MARCHF1: variants seen among roughly 807,000 people sequenced by gnomAD.
The protein encoded by MARCHF1 is membrane associated ring-CH-type finger 1.
Under a neutral mutation model 54.2 loss-of-function variants are expected in MARCHF1, and 40 were observed. The observed-to-expected ratio is 0.74, with a 90% CI of 0.57 to 0.96. MARCHF1 has a LOEUF of 0.96. Among genes scored for constraint, MARCHF1 ranks in the 40% least tolerant of loss-of-function variants. The pLI is 0.00. For missense variants in MARCHF1, 586 were observed against 656.5 expected, an observed-to-expected ratio of 0.89 and a Z score of 1.17; for synonymous variants, 236 against 236.3, an observed-to-expected ratio of 1.00 and a Z score of 0.01.
chr4:164,291,362 T>G (rs930228223), intron 1 of MARCHF1, among the ~76,000 whole-genome samples: 3 of 152,022 alleles, frequency 2.0e-5, no homozygotes, highest in African/African-American at 4.8e-5. Context: ...GCAATAAACT[T>G]TCTTTAAACT....
intron 1 of MARCHF1, among the ~76,000 whole-genome samples, chr4:164,301,654 T>A (rs1408039253): frequency 6.6e-6 from 1 of 152,072 alleles, no homozygotes; most frequent in East Asian, 1.9e-4. Context: ...GGTCAGAAAT[T>A]TATTGAATTC....
chr4:164,345,957 T>C (rs1730080529), intron 1 of MARCHF1, among the ~76,000 whole-genome samples: 1 of 152,202 alleles, frequency 6.6e-6, no homozygotes, highest in Admixed American at 6.5e-5. Context: ...TCATGATGCC[T>C]TTATTAGTAA....
At chr4:163,676,377 G>C (rs1743921847) in intron 5 of MARCHF1, among the ~76,000 whole-genome samples, 1 of 150,256 alleles carries the variant, frequency 6.7e-6, no homozygotes, top group South Asian at 2.1e-4. Context: ...AAAAAAATCA[G>C]AAGATTAAGA....
intron 1 of MARCHF1, among the ~76,000 whole-genome samples, chr4:164,156,192 T>C (rs949710287): frequency 6.6e-6 from 1 of 152,148 alleles, no homozygotes; most frequent in Admixed American, 6.6e-5. Flanking sequence ...CAGTTCTACA[T>C]TTTTAACAAG....
intron 3 of MARCHF1, among the ~76,000 whole-genome samples, chr4:163,898,767 A>G (rs556762362): frequency 1.8e-4 from 27 of 152,336 alleles, no homozygotes; most frequent in Non-Finnish European, 3.8e-4. Context: ...TGACAATACC[A>G]AAGTCATGGA....
intron 4 of MARCHF1, among the ~76,000 whole-genome samples, chr4:163,791,346 T>A (rs1283792481): frequency 6.6e-6 from 1 of 152,158 alleles, no homozygotes; most frequent in East Asian, 1.9e-4. Context: ...ATTACTAAAA[T>A]CTAAAAGAAC....
intron 5 of MARCHF1, among the ~76,000 whole-genome samples, chr4:163,653,142 A>G (rs1397755608): frequency 6.6e-6 from 1 of 151,830 alleles, no homozygotes; most frequent in Non-Finnish European, 1.5e-5. Flanking sequence ...AGGCAACTGA[A>G]GTCAGGGAGT....
chr4:163,773,801 T>A (rs1262808672), intron 4 of MARCHF1, among the ~76,000 whole-genome samples: 2 of 152,188 alleles, frequency 1.3e-5, no homozygotes, highest in Admixed American at 6.5e-5. Flanking sequence ...GCCTATAATC[T>A]GATAATTAAT....
intron 1 of MARCHF1, among the ~76,000 whole-genome samples, chr4:164,299,276 A>C (rs1560992694): frequency 6.6e-6 from 1 of 152,222 alleles, no homozygotes; most frequent in South Asian, 2.1e-4. Flanking sequence ...GTCCACAATA[A>C]TTTGTACTTC....
chr4:163,653,239 C>A (rs1249412601), intron 5 of MARCHF1, among the ~76,000 whole-genome samples: 2 of 151,742 alleles, frequency 1.3e-5, no homozygotes, highest in African/African-American at 2.4e-5. Flanking sequence ...AAGACATGAA[C>A]ATGCTCTGAT....
At chr4:163,869,897 T>C (rs1363758426) in intron 3 of MARCHF1, among the ~76,000 whole-genome samples, 1 of 152,098 alleles carries the variant, frequency 6.6e-6, no homozygotes, top group Non-Finnish European at 1.5e-5. Context: ...ATCTCAAGCT[T>C]ATATCTGAGT....
At chr4:164,087,226 A>T (rs941968160) in intron 2 of MARCHF1, among the ~76,000 whole-genome samples, 1 of 152,098 alleles carries the variant, frequency 6.6e-6, no homozygotes, top group Non-Finnish European at 1.5e-5. Flanking sequence ...TTCAAGCAAC[A>T]TATTTTATGA....
intron 5 of MARCHF1, among the ~76,000 whole-genome samples, chr4:163,696,890 A>G (rs1039960): frequency 0.48 from 72,139 of 151,836 alleles, 17,643 homozygotes; most frequent in Non-Finnish European, 0.51. Context: ...TTTAGGTAGC[A>G]TATTAGGGGT....
At chr4:163,568,208 A>C (rs1301372458) in intron 8 of MARCHF1, among the ~76,000 whole-genome samples, 1 of 152,162 alleles carries the variant, frequency 6.6e-6, no homozygotes. Context: ...GCATTCATTA[A>C]ATAAATTAAC....
At chr4:164,159,350 TCATA>T (rs1311232832) in intron 1 of MARCHF1, among the ~76,000 whole-genome samples, 2 of 152,126 alleles carry the variant, frequency 1.3e-5, no homozygotes, top group African/African-American at 4.8e-5. Flanking sequence ...ACTATTAATA[TCATA>T]TATAATTTTC....
chr4:164,197,221 T>G (rs758624016), intron 1 of MARCHF1: 1 of 1,610,418 alleles, frequency 6.2e-7, no homozygotes, highest in East Asian at 2.2e-5. Flanking sequence ...CTCCTCGTCA[T>G]CCAGGCCCTC....
chr4:164,203,612 T>A (rs1168568727), intron 1 of MARCHF1, among the ~76,000 whole-genome samples: 2 of 152,108 alleles, frequency 1.3e-5, no homozygotes, highest in African/African-American at 2.4e-5. Flanking sequence ...CCTCACCCTG[T>A]GCCAAAAAAA....
intron 4 of MARCHF1, among the ~76,000 whole-genome samples, chr4:163,808,464 T>C (rs1748289009): frequency 6.6e-6 from 1 of 152,176 alleles, no homozygotes; most frequent in Non-Finnish European, 1.5e-5. Flanking sequence ...TTAACACGAG[T>C]GTTTTTAGAG....
chr4:163,575,459 T>G (rs1031061858), intron 8 of MARCHF1, among the ~76,000 whole-genome samples: 7 of 152,118 alleles, frequency 4.6e-5, no homozygotes, highest in African/African-American at 1.7e-4. Context: ...AGTTTGCTAA[T>G]TTTTTTGAGG....
Sources: gnomAD v4.1 joint callset for allele counts (sites outside exome capture counted in the v4.1 genomes callset) on GRCh38, gnomAD v4.1.1 for gene constraint, MANE v1.5 for transcripts, NCBI Gene and HGNC (gene_info 2026-07-23, HGNC 2026-07-21) for gene names.